The following USP38 variants were observed in gnomAD, a reference collection of about 807,000 sequenced individuals.
USP38 encodes ubiquitin carboxyl-terminal hydrolase 38.
Under a neutral mutation model 94.3 loss-of-function variants are expected in USP38, and 49 were observed. That is an observed-to-expected ratio of 0.52 (90% confidence interval 0.41 to 0.66). The LOEUF (loss-of-function observed/expected upper bound fraction) is 0.66. Among genes scored for constraint, USP38 ranks in the 30% least tolerant of loss-of-function variants. The pLI is 0.00. For synonymous variants in USP38, 468 were observed against 463.6 expected, an observed-to-expected ratio of 1.01 and a Z score of -0.12; for missense variants, 1,128 against 1,229.4, an observed-to-expected ratio of 0.92 and a Z score of 1.23.
At chr4:143,192,584 C>T (rs1731430212) in intron 2 of USP38, among the ~76,000 whole-genome samples, 1 of 112,504 alleles carries the variant, frequency 8.9e-6, no homozygotes, top group Non-Finnish European at 1.7e-5. Flanking sequence ...TTAAATTGGT[C>T]AAGCAGATTT....
chr4:143,213,988 C>T lies in USP38; in HGVS notation c.2012C>T (p.Ser671Leu), dbSNP rs1284592467. Reference protein sequence around the residue: ...NPTTAAFICDSLVNEKTIGSP... With the variant: ...NPTTAAFICDLLVNEKTIGSP... ...ACAACAGCTGCCTTCATCTGTGACT[C>T]ACTTGTGAATGAAAAAACCATAGGC... The change falls in exon 9 of 10, where the codon TCA (serine) becomes TTA (leucine). Residue 671 changes from serine (S) to leucine (L), a missense_variant. Ser to Leu is a moderately radical substitution (Grantham distance 145, BLOSUM62 -2). Coordinates refer to ENST00000307017, the MANE Select transcript of USP38 (RefSeq NM_032557.6). The T allele has an allele frequency of 1.9e-6, 3 of 1,613,488 alleles. No individual in the cohort carries two copies. Among genetic ancestry groups the T allele is most frequent in the Admixed American group, 1.7e-5 (1 of 59,954 alleles).
chr4:143,187,850 C>G lies in USP38; in HGVS notation c.707C>G (p.Ala236Gly). The G allele has an allele frequency of 1.2e-6, 2 of 1,612,650 alleles. No individual in the cohort carries two copies. Among genetic ancestry groups the G allele is most frequent in the Non-Finnish European group, 1.7e-6 (2 of 1,179,364 alleles). The change falls in exon 2 of 10, where the codon GCA becomes GGA. Residue 236 changes from alanine (A) to glycine (G), a missense_variant. Transcript: ENST00000307017. The part of the protein sequence containing the change: ...STDASFEPSV[A>G]LASLVQHIPL... ...GATGCATCATTTGAACCTTCTGTAG[C>G]ATTGGCAAGCCTTGTGCAGCATATT...
chr4:143,193,721 A>G (rs1450821353), intron 2 of USP38, among the ~76,000 whole-genome samples: 1 of 152,252 alleles, frequency 6.6e-6, no homozygotes, highest in East Asian at 1.9e-4. Context: ...AACCTTAATA[A>G]AAAACATTCC....
Position 143,189,247 on chromosome 4 carries a change from A to T in USP38, c.818+1286A>T, listed in dbSNP as rs185943973. ...ACTAATTTTCTCTTCAAAGGTGCTCATCTGTAGAGCTTACTTAGTTACTGA... is the reference window on the plus strand; with the variant it reads ...ACTAATTTTCTCTTCAAAGGTGCTCTTCTGTAGAGCTTACTTAGTTACTGA... On this transcript the variant is annotated intron_variant, in intron 2 of 9. Coordinates refer to ENST00000307017, the MANE Select transcript of USP38 (RefSeq NM_032557.6). Among the ~76,000 whole-genome samples the T allele has an allele frequency of 6.6e-5, 10 of 152,140 alleles. No individual in the cohort carries two copies. In the East Asian group the frequency reaches 1.5e-3, roughly 23 times the overall value.
In USP38 at chr4:143,216,122, A is replaced by G. The variant is rs566408111; in HGVS notation, c.2967+1179A>G. On this transcript the variant is annotated intron_variant, in intron 9 of 9. Coordinates refer to ENST00000307017, the MANE Select transcript of USP38 (RefSeq NM_032557.6). ...AAATGCTTGTATAGCCATAGCAACC[A>G]CTTGTTTGTAGCTTAGCTCCAAGTG... 2.6e-5 allele frequency among the ~76,000 whole-genome samples: 4 copies of G among 152,192 alleles called. No homozygotes were observed. In the East Asian group the frequency reaches 7.7e-4, roughly 29 times the overall value.
Position 143,220,629 on chromosome 4 carries a change from A to G in USP38, c.*173A>G. The G allele has an allele frequency of 1.6e-6, 1 of 627,350 alleles. No homozygotes were observed. Among genetic ancestry groups the G allele is most frequent in the Non-Finnish European group, 2.1e-6 (1 of 474,416 alleles). 38.9% of individuals were successfully genotyped at this position (627,350 alleles called of 1,614,324 possible). ...GACACATTTATTAACAAAATGCATC[A>G]TGGAAAAAAAAATCTACCTCTTAAA... On this transcript the variant is annotated 3_prime_UTR_variant, in exon 10 of 10. Transcript: ENST00000307017.
intron 5 of USP38, among the ~76,000 whole-genome samples, chr4:143,204,882 C>T (rs976516825): frequency 6.6e-6 from 1 of 152,012 alleles, no homozygotes; most frequent in African/African-American, 2.4e-5. Flanking sequence ...ATTATCTTTA[C>T]TTCTGTATCT....
chr4:143,213,388 A>G (rs1353280548), intron 8 of USP38, among the ~76,000 whole-genome samples, 193 bp from the exon 9 acceptor site: 1 of 152,154 alleles, frequency 6.6e-6, no homozygotes, highest in Non-Finnish European at 1.5e-5. Flanking sequence ...GAGAATATAG[A>G]GTAGTAATAG....
chr4:143,197,441 T>C (rs928816473), intron 3 of USP38, among the ~76,000 whole-genome samples: 5 of 152,194 alleles, frequency 3.3e-5, no homozygotes, highest in Non-Finnish European at 5.9e-5. Flanking sequence ...AAGAGAGAGA[T>C]GGTTTTTTGT....
chr4:143,209,497 A>C, intron 6 of USP38, 67 bp from the exon 7 acceptor site: 1 of 1,030,722 alleles, frequency 9.7e-7, no homozygotes, highest in Non-Finnish European at 1.4e-6. Flanking sequence ...CTCAAAAAAA[A>C]AAAAAGCTTT....
At chr4:143,213,437 T>A in intron 8 of USP38, 144 bp from the exon 9 acceptor site, 1 of 961,014 alleles carries the variant, frequency 1.0e-6, no homozygotes, top group Non-Finnish European at 1.5e-6. Context: ...AACTGTTCAA[T>A]TTTCTTTTAA....
rs1454805615 is a variant in USP38 at position 143,185,382 on chromosome 4, C to T, written c.-69C>T. 1 of 1,493,828 alleles carries T rather than the reference C, an allele frequency of 6.7e-7. No homozygotes were observed. Among genetic ancestry groups the T allele is most frequent in the Non-Finnish European group, 8.9e-7 (1 of 1,117,668 alleles). The allele number at this position is 1,493,828 out of a possible 1,614,324, so 92.5% of individuals were successfully genotyped here. A position where few individuals can be genotyped will look rare whatever the true frequency, so the allele number is the denominator to read the frequency against. On this transcript the variant is annotated 5_prime_UTR_variant, in exon 1 of 10. Coordinates refer to ENST00000307017, the MANE Select transcript of USP38 (RefSeq NM_032557.6). ...AAGTTCATCTCCGCCCCGGGGCTCT[C>T]CTGCCCCACCTCGGGGCTGCCGCCA...
intron 2 of USP38, among the ~76,000 whole-genome samples, chr4:143,191,665 T>C (rs1731399824): frequency 6.6e-6 from 1 of 152,250 alleles, no homozygotes; most frequent in African/African-American, 2.4e-5. Flanking sequence ...TTTAACAAAT[T>C]TGAGTTCCTA....
Position 143,214,433 on chromosome 4 carries a change from C to T in USP38, c.2457C>T (p.Asn819=), listed in dbSNP as rs756889783. Residue 819 remains asparagine, a synonymous_variant, in exon 9 of 10, where the codon AAC becomes AAT. Transcript: ENST00000307017. ...TTGACTTCACTGATCTTAGTGAGAACCTTGCTAAAAAATTAAAGCCTTCAG... is the reference window on the plus strand; with the variant it reads ...TTGACTTCACTGATCTTAGTGAGAATCTTGCTAAAAAATTAAAGCCTTCAG... ...VDVDFTDLSE[N]LAKKLKPSGT... 10 of 1,613,682 alleles carry T rather than the reference C, an allele frequency of 6.2e-6. No homozygotes were observed. In the South Asian group the frequency reaches 9.9e-5, roughly 16 times the overall value.
In USP38 at chr4:143,214,046, C is replaced by T. The variant is rs776410874; in HGVS notation, c.2070C>T (p.Asn690=). Residue 690 remains asparagine (N), a synonymous_variant, in exon 9 of 10, where the codon AAC becomes AAT. Transcript: ENST00000307017. ...SPPNEFYCSE[N]TSVPNESNKI... is the part of the protein sequence containing the mutation. ...CTAATGAGTTTTACTGTTCTGAAAA[C>T]ACTTCTGTCCCTAACGAATCTAACA... The T allele has an allele frequency of 8.1e-6, 13 of 1,613,490 alleles. No homozygotes were observed. Among genetic ancestry groups the T allele is most frequent in the Admixed American group, 6.7e-5 (4 of 59,920 alleles).
chr4:143,194,454 A>C (rs1160699780), intron 2 of USP38, among the ~76,000 whole-genome samples: 1 of 152,106 alleles, frequency 6.6e-6, no homozygotes, highest in Non-Finnish European at 1.5e-5. Flanking sequence ...TTCTTAGTAT[A>C]TAATCCCAAA....
chr4:143,211,869 G>C (rs181067640), intron 7 of USP38, among the ~76,000 whole-genome samples: 1 of 152,144 alleles, frequency 6.6e-6, no homozygotes, highest in Non-Finnish European at 1.5e-5. Context: ...AAGTAGGTAT[G>C]CATGACTCTA....
intron 4 of USP38, among the ~76,000 whole-genome samples, chr4:143,203,119 G>T (rs75729676): frequency 0.054 from 8,138 of 152,056 alleles, 292 homozygotes; most frequent in Non-Finnish European, 0.078. Context: ...GCATTTTTCA[G>T]AATGGTGGCA....
chr4:143,210,609 G>T (rs184976835), intron 7 of USP38, among the ~76,000 whole-genome samples: 186 of 150,966 alleles, frequency 1.2e-3, no homozygotes, highest in Admixed American at 3.3e-3. Context: ...GAGTCTTTAT[G>T]TTCAAAGAAC....
Sources: allele counts gnomAD v4.1 joint callset (sites outside exome capture counted in the v4.1 genomes callset), GRCh38; gene constraint gnomAD v4.1.1; transcripts MANE v1.5; gene names NCBI Gene and HGNC (gene_info 2026-07-23, HGNC 2026-07-21).